Variants in GALNTL6 observed in about 807,000 individuals in gnomAD.
The protein encoded by GALNTL6 is polypeptide N-acetylgalactosaminyltransferase-like 6.
A neutral mutation model predicts 73.7 loss-of-function variants in GALNTL6; 46 were observed. The ratio of observed to expected loss-of-function variants is 0.62; its 90% CI spans 0.49 to 0.80. The LOEUF is 0.80. Ranked by LOEUF, GALNTL6 falls within the 30% of genes least tolerant of loss-of-function variation. GALNTL6 has a pLI of 0.00. For synonymous variants in GALNTL6, 259 were observed against 263.7 expected (o/e 0.98, Z 0.17); for missense variants, 604 against 755.0 (o/e 0.80, Z 2.34).
intron 5 of GALNTL6, among the ~76,000 whole-genome samples, chr4:172,369,739 C>T (rs901789874): frequency 2.6e-5 from 4 of 152,138 alleles, no homozygotes; most frequent in Non-Finnish European, 5.9e-5. Flanking sequence ...TGCCCGGGGC[C>T]GGTGGTACAG....
At chr4:172,384,279 T>C (rs937654698) in intron 5 of GALNTL6, among the ~76,000 whole-genome samples, 2 of 152,160 alleles carry the variant, frequency 1.3e-5, no homozygotes, top group Non-Finnish European at 2.9e-5. Flanking sequence ...TCAATCTCTT[T>C]ACTTGTTATA....
intron 8 of GALNTL6, among the ~76,000 whole-genome samples, chr4:172,900,870 C>A (rs1746593532): frequency 6.6e-6 from 1 of 152,112 alleles, no homozygotes. Context: ...GGAGAGTTTG[C>A]AAAATATATA....
intron 2 of GALNTL6, among the ~76,000 whole-genome samples, chr4:172,202,523 A>G (rs1187852730): frequency 6.6e-6 from 1 of 152,228 alleles, no homozygotes; most frequent in Admixed American, 6.5e-5. Flanking sequence ...ACATACTTAC[A>G]TATAGGTAGA....
intron 10 of GALNTL6, among the ~76,000 whole-genome samples, chr4:172,975,020 TC>T (rs1418202694): frequency 6.6e-6 from 1 of 152,178 alleles, no homozygotes; most frequent in Non-Finnish European, 1.5e-5. Context: ...CTGCAGCTCT[TC>T]CCTCTCTTCT....
At chr4:171,936,904 G>A (rs1160705914) in intron 2 of GALNTL6, among the ~76,000 whole-genome samples, 2 of 152,124 alleles carry the variant, frequency 1.3e-5, no homozygotes, top group Non-Finnish European at 2.9e-5. Context: ...TTACATCATA[G>A]AGTAGATATT....
At chr4:172,606,493 T>A (rs1156303031) in intron 5 of GALNTL6, among the ~76,000 whole-genome samples, 1 of 142,330 alleles carries the variant, frequency 7.0e-6, no homozygotes, top group African/African-American at 2.6e-5. Flanking sequence ...AAAAAATAGC[T>A]AATAAGAGTA....
intron 2 of GALNTL6, among the ~76,000 whole-genome samples, chr4:171,998,053 C>T (rs751498512): frequency 2.0e-5 from 3 of 151,952 alleles, no homozygotes; most frequent in Non-Finnish European, 4.4e-5. Flanking sequence ...TTATCCTATG[C>T]CTCTTTTACC....
At chr4:172,086,724 T>C (rs2110931769) in intron 2 of GALNTL6, among the ~76,000 whole-genome samples, 1 of 152,264 alleles carries the variant, frequency 6.6e-6, no homozygotes, top group East Asian at 1.9e-4. Context: ...TAGTGAGTGA[T>C]TTATCAAGTT....
At chr4:172,262,953 C>T (rs1042424046) in intron 3 of GALNTL6, among the ~76,000 whole-genome samples, 2 of 151,488 alleles carry the variant, frequency 1.3e-5, no homozygotes, top group African/African-American at 2.4e-5. Context: ...GGACCCCAAT[C>T]CCTTCTGGCT....
intron 5 of GALNTL6, among the ~76,000 whole-genome samples, chr4:172,492,904 T>C (rs914202933): frequency 2.6e-5 from 4 of 152,178 alleles, no homozygotes; most frequent in Admixed American, 2.6e-4. Context: ...TCACCAAATT[T>C]GTTTAACAAC....
chr4:172,260,904 A>G (rs989084942), intron 3 of GALNTL6, among the ~76,000 whole-genome samples: 3 of 151,404 alleles, frequency 2.0e-5, no homozygotes, highest in Admixed American at 1.3e-4. Flanking sequence ...ATGTATCACA[A>G]TTATTGACTT....
At chr4:173,010,240 A>G (rs1273721355) in intron 11 of GALNTL6, among the ~76,000 whole-genome samples, 1 of 152,164 alleles carries the variant, frequency 6.6e-6, no homozygotes, top group Non-Finnish European at 1.5e-5. Flanking sequence ...TTTAGATCCC[A>G]CAAATAAGTG....
chr4:172,823,955 C>T (rs140544892), intron 7 of GALNTL6, among the ~76,000 whole-genome samples: 11 of 152,088 alleles, frequency 7.2e-5, no homozygotes, highest in African/African-American at 2.4e-4. Context: ...TTCTAGACTC[C>T]ACCTAGAGCC....
At chr4:172,520,298 A>G (rs1234901832) in intron 5 of GALNTL6, among the ~76,000 whole-genome samples, 1 of 151,930 alleles carries the variant, frequency 6.6e-6, no homozygotes, top group East Asian at 1.9e-4. Context: ...TGTGTCTTAC[A>G]TTTCTGAAAT....
intron 2 of GALNTL6, among the ~76,000 whole-genome samples, chr4:171,886,387 G>A (rs927896850): frequency 6.6e-6 from 1 of 152,038 alleles, no homozygotes; most frequent in Non-Finnish European, 1.5e-5. Flanking sequence ...TTGACATTTT[G>A]TAAAACTTAC....
At chr4:172,104,731 A>G (rs1732630372) in intron 2 of GALNTL6, among the ~76,000 whole-genome samples, 1 of 152,168 alleles carries the variant, frequency 6.6e-6, no homozygotes, top group African/African-American at 2.4e-5. Context: ...AGTCATGGCT[A>G]ATGAGTAGAA....
At chr4:172,631,296 C>T (rs1053898917) in intron 5 of GALNTL6, among the ~76,000 whole-genome samples, 10 of 152,008 alleles carry the variant, frequency 6.6e-5, no homozygotes, top group African/African-American at 2.2e-4. Flanking sequence ...AGGCACACAC[C>T]ACCATGCCTG....
At chr4:171,868,054 A>G (rs1736019934) in intron 2 of GALNTL6, among the ~76,000 whole-genome samples, 1 of 147,856 alleles carries the variant, frequency 6.8e-6, no homozygotes, top group Non-Finnish European at 1.5e-5. Flanking sequence ...TGGCATGATC[A>G]TAGTTTACTG....
intron 2 of GALNTL6, 98 bp from the exon 3 acceptor site, chr4:172,229,558 G>A: frequency 4.5e-6 from 3 of 661,826 alleles, no homozygotes; most frequent in East Asian, 2.7e-5. Flanking sequence ...TTATTTAACA[G>A]ATATTCTTTG....
Sources: allele counts gnomAD v4.1 joint callset (sites outside exome capture counted in the v4.1 genomes callset), GRCh38; gene constraint gnomAD v4.1.1; transcripts MANE v1.5; gene names NCBI Gene and HGNC (gene_info 2026-07-23, HGNC 2026-07-21).